The following KLHL22 variants were observed in gnomAD, a reference collection of about 807,000 sequenced individuals.
The protein encoded by KLHL22 is kelch-like protein 22.
A neutral mutation model predicts 60.7 loss-of-function variants in KLHL22; 18 were observed. That is an observed-to-expected ratio of 0.30 (90% CI 0.20 to 0.44). The LOEUF is 0.44. KLHL22 is among the 20% of genes least tolerant of loss of function. The pLI, the probability that KLHL22 is intolerant of heterozygous loss-of-function variation, is 1.00. For synonymous variants in KLHL22, 355 were observed against 354.5 expected (o/e 1.00, Z -0.01); for missense variants, 596 against 852.3 (o/e 0.70, Z 3.74).
intron 5 of KLHL22, among the ~76,000 whole-genome samples, chr22:20,453,704 A>G (rs1160530364): frequency 6.6e-6 from 1 of 152,162 alleles, no homozygotes; most frequent in Non-Finnish European, 1.5e-5. Flanking sequence ...TCAAATCAAA[A>G]TTAAAAAATT....
intron 2 of KLHL22, among the ~76,000 whole-genome samples, chr22:20,471,736 C>G (rs1015910842): frequency 1.3e-5 from 2 of 152,172 alleles, no homozygotes; most frequent in Non-Finnish European, 2.9e-5. Context: ...TGTCCTGTTT[C>G]CCTTTTCATG....
chr22:20,489,139 T>C lies in KLHL22; in HGVS notation c.73A>G (p.Asn25Asp). 6.2e-7 allele frequency: 1 copy of C among 1,614,142 alleles called. No homozygotes were observed. Among genetic ancestry groups the C allele is most frequent in the Non-Finnish European group, 8.5e-7 (1 of 1,180,024 alleles). Residue 25 changes from asparagine to aspartate, a missense_variant, in exon 2 of 7, where the codon AAC becomes GAC. Transcript: ENST00000328879. Reference protein sequence around the residue: ...AQPSHPHCVNNTYRSAQHSQA... With the variant: ...AQPSHPHCVNDTYRSAQHSQA... ...GAGTGCTGTGCGCTGCGGTAGGTGT[T>C]GTTCACGCAGTGTGGGTGTGAGGGC...
chr22:20,491,968 G>A (rs1218748950), intron 1 of KLHL22: 1 of 152,172 alleles, frequency 6.6e-6, no homozygotes, highest in Non-Finnish European at 1.5e-5. Flanking sequence ...CCACAGCCAA[G>A]GTGTATACCC....
At chr22:20,494,447 C>A (rs1374225347) in intron 1 of KLHL22, among the ~76,000 whole-genome samples, 1 of 151,986 alleles carries the variant, frequency 6.6e-6, no homozygotes, top group Non-Finnish European at 1.5e-5. Context: ...GTGGTAGGGT[C>A]TTGGCTCACT....
Position 20,465,261 on chromosome 22 carries a change from G to T in KLHL22, c.709C>A (p.Pro237Thr). ...CGCACTGTCTCAAGGAGCTTTGGGGGCTCGTGCAGCGAGATCTGGTCAGCC... is the reference window on the plus strand; with the variant it reads ...CGCACTGTCTCAAGGAGCTTTGGGGTCTCGTGCAGCGAGATCTGGTCAGCC... ...VQADQISLHE[P>T]PKLLETVRFP... The change falls in exon 4 of 7, where the codon CCC (proline) becomes ACC (threonine). Residue 237 changes from proline to threonine, a missense_variant. Physicochemically the swap from Pro to Thr is conservative, Grantham distance 38. Transcript: ENST00000328879. This position sits in a 1 kb window ranked among gnomAD's most constrained non-coding sequence, Gnocchi z 4.9. The T allele has an allele frequency of 6.2e-7, 1 of 1,613,982 alleles. No homozygotes were observed.
chr22:20,469,468 T>A (rs2053280764), intron 3 of KLHL22, among the ~76,000 whole-genome samples: 1 of 152,122 alleles, frequency 6.6e-6, no homozygotes, highest in East Asian at 1.9e-4. Context: ...GGCAGCTGAA[T>A]CAGGAGTTAA....
At chr22:20,491,690 T>G (rs778104473) in intron 1 of KLHL22, 13 of 152,182 alleles carry the variant, frequency 8.5e-5, no homozygotes, top group Non-Finnish European at 1.8e-4. Flanking sequence ...GTGTGGCACA[T>G]GATTATATAT....
intron 3 of KLHL22, among the ~76,000 whole-genome samples, chr22:20,467,826 T>C (rs1045774426): frequency 6.6e-6 from 1 of 152,058 alleles, no homozygotes; most frequent in African/African-American, 2.4e-5. Context: ...GCCCGGCTAA[T>C]TTTTTGTATT....
chr22:20,451,074 A>T (rs2146181112), intron 5 of KLHL22: 1 of 1,470,748 alleles, frequency 6.8e-7, no homozygotes, highest in African/African-American at 1.4e-5. Context: ...CTTGTAAGAG[A>T]TGTTATGTGG....
chr22:20,450,549 C>T, intron 5 of KLHL22: 1 of 1,613,566 alleles, frequency 6.2e-7, no homozygotes, highest in South Asian at 1.1e-5. Flanking sequence ...TTGCTGAAAC[C>T]CACAATTGTG....
rs1316671567 is a variant in KLHL22 at position 20,446,472 on chromosome 22, C to T, written c.1510G>A (p.Asp504Asn). The T allele has an allele frequency of 1.9e-6, 3 of 1,611,508 alleles. No individual in the cohort carries two copies. Among genetic ancestry groups the T allele is most frequent in the Admixed American group, 1.7e-5 (1 of 59,976 alleles). The part of the protein sequence containing the change: ...KLYVIGGSNN[D>N]AGYRRDVHQV... ...TGCACGTCCCTCCTGTATCCGGCAT[C>T]GTTGTTGCTGCCCCCGATCACATAC... The change falls in exon 6 of 7, where the codon GAT becomes AAT. Residue 504 changes from aspartate (D) to asparagine (N), a missense_variant. Asp to Asn is a conservative substitution (Grantham distance 23). Coordinates refer to ENST00000328879, the MANE Select transcript of KLHL22 (RefSeq NM_032775.4).
intron 2 of KLHL22, among the ~76,000 whole-genome samples, chr22:20,487,776 G>A (rs1328393217): frequency 2.6e-5 from 4 of 152,174 alleles, no homozygotes; most frequent in Admixed American, 6.5e-5. Context: ...ACAGATTAGC[G>A]AAAGGCTGCC....
Position 20,465,660 on chromosome 22 carries a change from G to A in KLHL22, c.394-84C>T, listed in dbSNP as rs2053223468. On this transcript the variant is annotated intron_variant, in intron 3 of 6. Transcript: ENST00000328879. This position sits in a 1 kb window ranked among gnomAD's most constrained non-coding sequence, Gnocchi z 4.9. Reference sequence around the variant, plus strand: ...AGAGAGAATGATGGCAGAAATACGGGCTGTTGTGGGCCAGGCAAAGCAGAA... The same window carrying A: ...AGAGAGAATGATGGCAGAAATACGGACTGTTGTGGGCCAGGCAAAGCAGAA... 1 of 779,466 alleles carries A rather than the reference G, an allele frequency of 1.3e-6. No individual in the cohort carries two copies. Among genetic ancestry groups the A allele is most frequent in the Non-Finnish European group, 2.3e-6 (1 of 427,864 alleles). 48.3% of individuals were successfully genotyped at this position (779,466 alleles called of 1,614,324 possible).
chr22:20,492,782 G>A (rs1284873073), intron 1 of KLHL22, among the ~76,000 whole-genome samples: 1 of 152,066 alleles, frequency 6.6e-6, no homozygotes, highest in Admixed American at 6.5e-5. Flanking sequence ...AGCAGAAATG[G>A]GGTTTCACCA....
chr22:20,482,708 G>A, intron 2 of KLHL22: 3 of 585,362 alleles, frequency 5.1e-6, no homozygotes, highest in Middle Eastern at 4.7e-4. Context: ...AAGTAGCTGG[G>A]ATTACAGGCA....
rs143576588 is a variant in KLHL22, at chr22:20,470,925, C to T, written c.393+425G>A. 5.4e-3 allele frequency among the ~76,000 whole-genome samples: 820 copies of T among 152,294 alleles called. 11 individuals are homozygous for T. The highest frequency in any genetic ancestry group is 0.019 in the African/African-American group (770 of 41,548). On this transcript the variant is annotated intron_variant, in intron 3 of 6. Coordinates refer to ENST00000328879, the MANE Select transcript of KLHL22 (RefSeq NM_032775.4). ...ATAGATAAAGTTCAGTAACAAAACA[C>T]ATAAGTTTTCAAGAGACTGAAGTGG...
At position 20,452,349 on chromosome 22, in the gene KLHL22, G is replaced by A. The variant is rs377355331; in HGVS notation, c.1305+5459C>T. Among the ~76,000 whole-genome samples, 15 of 152,130 alleles carry A rather than the reference G, an allele frequency of 9.9e-5. No homozygotes were observed. The East Asian group carries it at 2.3e-3, about 23-fold the overall frequency. On this transcript the variant is annotated intron_variant, in intron 5 of 6. Transcript: ENST00000328879. ...ATTCTAAAGGGAAACAAAAGGGAGA[G>A]CCCCACAAAACTTTGGGGGCAAGGG...
rs2052971072 is a variant in KLHL22, at chr22:20,451,152, A to G, written c.1306-4476T>C. 5 of 1,576,172 alleles carry G rather than the reference A, an allele frequency of 3.2e-6. No individual in the cohort carries two copies. The African/African-American group carries it at 5.4e-5, about 17-fold the overall frequency. ...GTGATGGTCGTTCCAGCCTTAGTTC[A>G]GTGGAATGTCTAGACTACACAGCAG... On this transcript the variant is annotated intron_variant, in intron 5 of 6. Transcript: ENST00000328879.
chr22:20,473,883 A>C (rs188904951), intron 2 of KLHL22, among the ~76,000 whole-genome samples: 177 of 152,192 alleles, frequency 1.2e-3, no homozygotes, highest in African/African-American at 3.1e-3. Flanking sequence ...CACACACACA[A>C]AAAAAATACA....
Sources: gnomAD v4.1 joint callset for allele counts (sites outside exome capture counted in the v4.1 genomes callset) on GRCh38, gnomAD v4.1.1 for gene constraint, Gnocchi (gnomAD v3.1) non-coding constraint, MANE v1.5 for transcripts, NCBI Gene and HGNC (gene_info 2026-07-23, HGNC 2026-07-21) for gene names.